The following EIF3A variants were observed in gnomAD, a reference collection of about 807,000 sequenced individuals.
The protein encoded by EIF3A is eukaryotic translation initiation factor 3 subunit A.
Under a neutral mutation model 186.6 loss-of-function variants are expected in EIF3A, and 21 were observed. The observed-to-expected ratio is 0.11, with a 90% CI of 0.08 to 0.16. The LOEUF is 0.16. Among genes scored for constraint, EIF3A ranks in the 10% least tolerant of loss-of-function variants. The pLI is 1.00. For synonymous variants in EIF3A, 563 were observed against 584.3 expected (o/e 0.96, Z 0.52); for missense variants, 1,306 against 1,796.3 (o/e 0.73, Z 4.93).
At chr10:119,072,243 TAA>T (rs68078133) in intron 4 of EIF3A, among the ~76,000 whole-genome samples, 217 of 122,774 alleles carry the variant, frequency 1.8e-3, no homozygotes, top group Middle Eastern at 4.3e-3. Context: ...TCAAGTTCAC[TAA>T]AAAAAAAAAA....
intron 20 of EIF3A, 116 bp downstream of exon 20, chr10:119,038,122 G>C (rs1205915445): frequency 2.3e-6 from 2 of 871,112 alleles, no homozygotes; most frequent in African/African-American, 3.3e-5. Context: ...TCACTATGTT[G>C]GCCAGGCTGC....
In EIF3A at chr10:119,035,240, G is replaced by A. The variant is rs1233814521; in HGVS notation, c.*799C>T. On this transcript the variant is annotated 3_prime_UTR_variant, in exon 22 of 22. Transcript: ENST00000369144. ...GAAAATTAGGAAAGAGAATTTAAAC[G>A]ATTCCTCCAAACCATACATTTATAA... 6.6e-6 allele frequency: 1 copy of A among 152,422 alleles called. No homozygotes were observed. The highest frequency in any genetic ancestry group is 1.5e-5 in the Non-Finnish European group (1 of 68,002). The allele number at this position is 152,422 out of a possible 1,614,324, so 9.4% of individuals were successfully genotyped here. A position where few individuals can be genotyped will look rare whatever the true frequency, so the allele number is the denominator to read the frequency against.
intron 6 of EIF3A, among the ~76,000 whole-genome samples, chr10:119,068,120 AT>A (rs112018245): frequency 0.017 from 2,506 of 150,068 alleles, 73 homozygotes; most frequent in African/African-American, 0.057. Flanking sequence ...CCAGAAATGT[AT>A]TTTTTTTTTA....
chr10:119,073,592 C>T lies in EIF3A; in HGVS notation c.241-15G>A, dbSNP rs1056271593. The T allele has an allele frequency of 6.2e-7, 1 of 1,604,738 alleles. No homozygotes were observed. Among genetic ancestry groups the T allele is most frequent in the Non-Finnish European group, 8.5e-7 (1 of 1,177,196 alleles). ...TTTATGTTCACCTAATCCAAAAAAA[C>T]AAAAACTCTTCAGAACTTATTTTTC... On this transcript the variant is annotated splice_polypyrimidine_tract_variant and intron_variant, in intron 2 of 21. Coordinates refer to ENST00000369144, the MANE Select transcript of EIF3A (RefSeq NM_003750.4).
chr10:119,041,072 G>A (rs1320023466), intron 19 of EIF3A, among the ~76,000 whole-genome samples: 6 of 151,892 alleles, frequency 4.0e-5, no homozygotes, highest in African/African-American at 1.5e-4. Flanking sequence ...CAGCTACTTG[G>A]GAAGCTGAGG....
chr10:119,063,038 G>A (rs898803736), intron 7 of EIF3A, among the ~76,000 whole-genome samples: 2 of 152,066 alleles, frequency 1.3e-5, no homozygotes, highest in Non-Finnish European at 2.9e-5. Context: ...TTAGACGTGA[G>A]CCACCGCGCC....
Position 119,058,265 on chromosome 10 carries a change from T to C in EIF3A, c.1668A>G (p.Ala556=), listed in dbSNP as rs1843823830. The change falls in exon 12 of 22, where the codon GCA becomes GCG. Residue 556 remains alanine, a synonymous_variant. Transcript: ENST00000369144. ...GCTCTTTTCGTGAATTTTTAAGGTA[T>C]GCAGTGACAGCCAACTGATGCTGTT... ...KEEQHQLAVT[A]YLKNSRKEHQ... is the part of the protein sequence containing the mutation. 5.0e-6 allele frequency: 8 copies of C among 1,607,462 alleles called. No individual in the cohort carries two copies. The East Asian group carries it at 1.1e-4, about 22-fold the overall frequency.
intron 6 of EIF3A, among the ~76,000 whole-genome samples, chr10:119,066,122 G>T (rs1337401895): frequency 6.8e-6 from 1 of 146,436 alleles, no homozygotes; most frequent in Non-Finnish European, 1.5e-5. Flanking sequence ...TCTCAAAAAA[G>T]AAAAAAAAAG....
intron 15 of EIF3A, 34 bp from the exon 16 acceptor site, chr10:119,050,708 C>A: frequency 6.2e-7 from 1 of 1,611,760 alleles, no homozygotes; most frequent in Non-Finnish European, 8.5e-7. Flanking sequence ...CCAAAAAGGG[C>A]ACACTTTGTC....
intron 19 of EIF3A, among the ~76,000 whole-genome samples, chr10:119,038,817 T>G (rs1346212496): frequency 6.6e-6 from 1 of 151,808 alleles, no homozygotes; most frequent in African/African-American, 2.4e-5. Context: ...CTACTTGACT[T>G]AGGAGGCTGA....
intron 6 of EIF3A, among the ~76,000 whole-genome samples, chr10:119,067,778 G>T (rs1844004300): frequency 6.6e-6 from 1 of 151,984 alleles, no homozygotes; most frequent in African/African-American, 2.4e-5. Flanking sequence ...ACCAATACAA[G>T]AAAACAGGTG....
chr10:119,063,042 C>A (rs1843915887), intron 7 of EIF3A, among the ~76,000 whole-genome samples: 1 of 152,054 alleles, frequency 6.6e-6, no homozygotes, highest in Non-Finnish European at 1.5e-5. Context: ...ACGTGAGCCA[C>A]CGCGCCTAGC....
rs1025895524 is a variant in EIF3A at position 119,058,274 on chromosome 10, A to G, written c.1659T>C (p.Ala553=). Residue 553 remains alanine, a synonymous_variant, in exon 12 of 22, where the codon GCT becomes GCC. Transcript: ENST00000369144. ...LQEKEEQHQL[A]VTAYLKNSRK... ...GTGAATTTTTAAGGTATGCAGTGAC[A>G]GCCAACTGATGCTGTTCTTCTTTCT... is the stretch of plus-strand genomic sequence containing the variant. 1.2e-5 allele frequency: 20 copies of G among 1,602,520 alleles called. No homozygotes were observed. Among genetic ancestry groups the G allele is most frequent in the Non-Finnish European group, 1.6e-5 (19 of 1,174,982 alleles).
chr10:119,051,272 C>T lies in EIF3A; in HGVS notation c.2246G>A (p.Arg749Gln). 6.2e-7 allele frequency: 1 copy of T among 1,611,352 alleles called. No homozygotes were observed. The highest frequency in any genetic ancestry group is 8.5e-7 in the Non-Finnish European group (1 of 1,179,144). The change falls in exon 15 of 22, where the codon CGA becomes CAA. Residue 749 changes from arginine (R) to glutamine (Q), a missense_variant. Around this residue, in one of 8 missense-constraint regions of EIF3A, gnomAD observed 410 missense variants for 473.5 expected, o/e 0.87. Coordinates refer to ENST00000369144, the MANE Select transcript of EIF3A (RefSeq NM_003750.4). ...TCTGTCTTCAAGCATTCGTGACATT[C>T]GATTCTTATGTTCAAGAGCCTTTTC... ...EREKALEHKN[R>Q]MSRMLEDRDL...
In EIF3A at chr10:119,071,085, G is replaced by C. The variant is rs760766102; in HGVS notation, c.542C>G (p.Ala181Gly). The change falls in exon 5 of 22, where the codon GCT becomes GGT. Residue 181 changes from alanine to glycine, a missense_variant and splice_region_variant. Ala to Gly is a moderately conservative substitution (Grantham distance 60). Around this residue, in one of 8 missense-constraint regions of EIF3A, gnomAD observed 130 missense variants for 259.3 expected, o/e 0.50. Coordinates refer to ENST00000369144, the MANE Select transcript of EIF3A (RefSeq NM_003750.4). Reference sequence around the variant, plus strand: ...CGTGTATTGGAGGCAGAATTTGAAAGCTATAAGCATAATTGTAAAATATAT... The same window carrying C: ...CGTGTATTGGAGGCAGAATTTGAAACCTATAAGCATAATTGTAAAATATAT... ...ERLYHDIAQQ[A>G]FKFCLQYTRK... The C allele has an allele frequency of 7.5e-6, 12 of 1,608,862 alleles. No homozygotes were observed. Among genetic ancestry groups the C allele is most frequent in the African/African-American group, 1.3e-5 (1 of 74,838 alleles).
intron 1 of EIF3A, among the ~76,000 whole-genome samples, chr10:119,079,332 C>T (rs1844225753): frequency 6.6e-6 from 1 of 152,164 alleles, no homozygotes; most frequent in Admixed American, 6.5e-5. Context: ...GTTACTTTTA[C>T]TTTAAAAAGT....
At chr10:119,068,968 T>C (rs1025613502) in intron 6 of EIF3A, among the ~76,000 whole-genome samples, 7 of 72,728 alleles carry the variant, frequency 9.6e-5, no homozygotes, top group Non-Finnish European at 1.8e-4. Context: ...AGACTCTGTC[T>C]TGCAAAAAAA....
intron 1 of EIF3A, among the ~76,000 whole-genome samples, chr10:119,078,358 G>A (rs1017121252): frequency 1.3e-5 from 2 of 151,684 alleles, no homozygotes; most frequent in African/African-American, 2.4e-5. Flanking sequence ...TCATATATAT[G>A]CTTAGGGTGA....
intron 4 of EIF3A, among the ~76,000 whole-genome samples, chr10:119,071,696 C>G (rs1297892043): frequency 6.6e-6 from 1 of 152,084 alleles, no homozygotes; most frequent in Non-Finnish European, 1.5e-5. Context: ...ATATTTGTAT[C>G]AACAGCTATC....
Sources: allele counts gnomAD v4.1 joint callset (sites outside exome capture counted in the v4.1 genomes callset), GRCh38; gene constraint gnomAD v4.1.1; regional missense constraint gnomAD v4.1.1; transcripts MANE v1.5; gene names NCBI Gene and HGNC (gene_info 2026-07-23, HGNC 2026-07-21).